PPP2R2B: variants seen among roughly 807,000 people sequenced by gnomAD.
PPP2R2B encodes protein phosphatase 2 regulatory subunit Bbeta.
A neutral mutation model predicts 46.0 loss-of-function variants in PPP2R2B; 5 were observed. The observed-to-expected ratio is 0.11, with a 90% CI of 0.06 to 0.23. The LOEUF (loss-of-function observed/expected upper bound fraction) is 0.23. Among genes scored for constraint, PPP2R2B ranks in the 10% least tolerant of loss-of-function variants. The pLI, the probability that PPP2R2B is intolerant of heterozygous loss-of-function variation, is 1.00. For missense variants in PPP2R2B, 367 were observed against 575.0 expected (o/e 0.64, Z 3.70); for synonymous variants, 215 against 206.7 (o/e 1.04, Z -0.34).
At chr5:146,682,406 G>C (rs1261258539) in intron 5 of PPP2R2B, among the ~76,000 whole-genome samples, 1 of 152,180 alleles carries the variant, frequency 6.6e-6, no homozygotes, top group Non-Finnish European at 1.5e-5. Context: ...TTGATGGCAA[G>C]ATATTATGCT....
intron 1 of PPP2R2B, among the ~76,000 whole-genome samples, chr5:147,008,553 T>C (rs1260234544): frequency 1.3e-5 from 2 of 152,146 alleles, no homozygotes; most frequent in South Asian, 2.1e-4. Flanking sequence ...CCCTTCTGCA[T>C]AGGTTGAGAT....
intron 7 of PPP2R2B, among the ~76,000 whole-genome samples, chr5:146,625,411 G>T (rs1404745776): frequency 6.6e-6 from 1 of 152,166 alleles, no homozygotes; most frequent in Admixed American, 6.5e-5. Context: ...GTAAAGAGAA[G>T]TATCAGATGC....
chr5:146,955,925 C>T (rs184688267), intron 1 of PPP2R2B, among the ~76,000 whole-genome samples: 14 of 151,564 alleles, frequency 9.2e-5, no homozygotes, highest in African/African-American at 2.9e-4. Context: ...ATTACAGATG[C>T]CCACCACTGT....
At chr5:146,827,243 A>T (rs1385108157) in intron 2 of PPP2R2B, among the ~76,000 whole-genome samples, 1 of 152,208 alleles carries the variant, frequency 6.6e-6, no homozygotes, top group Non-Finnish European at 1.5e-5. Context: ...TAGTTCAAGG[A>T]GATAAGCTAT....
At chr5:147,057,014 T>C (rs956185172), upstream of PPP2R2B, among the ~76,000 whole-genome samples, 2 of 152,188 alleles carry the variant, frequency 1.3e-5, no homozygotes, top group Admixed American at 1.3e-4. Flanking sequence ...AAAATAAAAG[T>C]GTGCCTTGAA....
intron 1 of PPP2R2B, among the ~76,000 whole-genome samples, chr5:146,965,540 C>T (rs563607904): frequency 3.3e-5 from 5 of 152,094 alleles, no homozygotes; most frequent in Admixed American, 6.5e-5. Flanking sequence ...TCTAAGATAC[C>T]TTGTCAGAAC....
intron 1 of PPP2R2B, among the ~76,000 whole-genome samples, chr5:146,936,627 A>T (rs1315222400): frequency 6.6e-6 from 1 of 151,988 alleles, no homozygotes; most frequent in East Asian, 1.9e-4. Flanking sequence ...ACAGAGAGAT[A>T]GTAAGAGGAC....
At chr5:146,825,090 A>G (rs1358302720) in intron 2 of PPP2R2B, among the ~76,000 whole-genome samples, 1 of 152,226 alleles carries the variant, frequency 6.6e-6, no homozygotes, top group East Asian at 1.9e-4. Flanking sequence ...AAAGCATTTA[A>G]TGCAACTCCG....
intron 1 of PPP2R2B, among the ~76,000 whole-genome samples, chr5:146,976,854 T>C (rs1346634094): frequency 6.6e-6 from 1 of 152,160 alleles, no homozygotes; most frequent in African/African-American, 2.4e-5. Context: ...AGACTACTCC[T>C]CAGCCACCCC....
At chr5:146,701,280 G>A in intron 2 of PPP2R2B, 138 bp from the exon 3 acceptor site, 1 of 881,604 alleles carries the variant, frequency 1.1e-6, no homozygotes, top group Non-Finnish European at 1.9e-6. Context: ...GTTATGTTCT[G>A]GGTTTTAAAT....
chr5:147,055,570 T>G, intron 1 of PPP2R2B: 1 of 1,073,102 alleles, frequency 9.3e-7, no homozygotes, highest in Non-Finnish European at 1.4e-6. Flanking sequence ...AGTCACCTAG[T>G]AGCTACAGAA....
At chr5:146,669,423 AT>A (rs1484159635) in intron 5 of PPP2R2B, among the ~76,000 whole-genome samples, 2 of 152,070 alleles carry the variant, frequency 1.3e-5, no homozygotes, top group Admixed American at 1.3e-4. Flanking sequence ...TTAAGGAAGT[AT>A]ATTTTTCACA....
At chr5:146,601,939 T>A (rs1258266266) in intron 7 of PPP2R2B, among the ~76,000 whole-genome samples, 1 of 152,238 alleles carries the variant, frequency 6.6e-6, no homozygotes, top group African/African-American at 2.4e-5. Context: ...CTTCTCAGTA[T>A]GTTATTGGAG....
chr5:146,693,406 G>A (rs1778996836), intron 4 of PPP2R2B, among the ~76,000 whole-genome samples: 1 of 151,998 alleles, frequency 6.6e-6, no homozygotes, highest in African/African-American at 2.4e-5. Context: ...ATAGAGACAT[G>A]ATTTTTTCAT....
chr5:146,680,775 G>A (rs921329766), intron 5 of PPP2R2B, among the ~76,000 whole-genome samples: 69 of 152,144 alleles, frequency 4.5e-4, no homozygotes, highest in African/African-American at 1.6e-3. Context: ...CAAATTACAA[G>A]AGCATGACCC....
At chr5:146,670,996 C>T (rs529691185) in intron 5 of PPP2R2B, among the ~76,000 whole-genome samples, 30 of 152,092 alleles carry the variant, frequency 2.0e-4, no homozygotes, top group African/African-American at 7.0e-4. Flanking sequence ...AAGGTCAGTT[C>T]TCAGTTTAAA....
At chr5:146,654,656 T>G (rs1458622276) in intron 5 of PPP2R2B, among the ~76,000 whole-genome samples, 2 of 152,234 alleles carry the variant, frequency 1.3e-5, no homozygotes, top group Non-Finnish European at 2.9e-5. Flanking sequence ...AATATCATGC[T>G]GAAAGAACTA....
At chr5:146,862,639 A>G (rs1028273753) in intron 2 of PPP2R2B, among the ~76,000 whole-genome samples, 2 of 152,210 alleles carry the variant, frequency 1.3e-5, no homozygotes, top group Non-Finnish European at 2.9e-5. Flanking sequence ...GCCAGCCTCA[A>G]TGCTTTGAAG....
At chr5:146,872,155 A>G (rs1761651801) in intron 2 of PPP2R2B, among the ~76,000 whole-genome samples, 1 of 152,186 alleles carries the variant, frequency 6.6e-6, no homozygotes, top group Admixed American at 6.5e-5. Flanking sequence ...GATCATTGGT[A>G]CATTTCTGAC....
Sources: gnomAD v4.1 joint callset for allele counts (sites outside exome capture counted in the v4.1 genomes callset) on GRCh38, gnomAD v4.1.1 for gene constraint, MANE v1.5 for transcripts, NCBI Gene and HGNC (gene_info 2026-07-23, HGNC 2026-07-21) for gene names.